Variants in CNTN5 observed in about 807,000 individuals in gnomAD.
The protein encoded by CNTN5 is contactin-5.
Under a neutral mutation model 129.1 loss-of-function variants are expected in CNTN5, and 77 were observed. The observed-to-expected ratio is 0.60, with a 90% CI of 0.50 to 0.72. The LOEUF is 0.72. Among genes scored for constraint, CNTN5 ranks in the 30% least tolerant of loss-of-function variants. The pLI is 0.00. For missense variants in CNTN5, 1,478 were observed against 1,328.8 expected, an observed-to-expected ratio of 1.11 and a Z score of -1.75; for synonymous variants, 509 against 465.6, an observed-to-expected ratio of 1.09 and a Z score of -1.20.
At chr11:99,880,850 C>T (rs1428888151) in intron 6 of CNTN5, among the ~76,000 whole-genome samples, 2 of 152,108 alleles carry the variant, frequency 1.3e-5, no homozygotes, top group African/African-American at 4.8e-5. Flanking sequence ...ACCTCTACCA[C>T]TTCAACCATC....
intron 1 of CNTN5, among the ~76,000 whole-genome samples, chr11:99,107,475 TAATA>T (rs1159218054): frequency 3.3e-5 from 5 of 152,186 alleles, no homozygotes; most frequent in African/African-American, 1.2e-4. Flanking sequence ...TTTATGTAGT[TAATA>T]AATAATTATG....
intron 3 of CNTN5, among the ~76,000 whole-genome samples, chr11:99,659,185 TAGGTG>T (rs1565399006): frequency 6.6e-6 from 1 of 152,096 alleles, no homozygotes. Context: ...CATATCCTGT[TAGGTG>T]AGGACCTCTG....
intron 4 of CNTN5, among the ~76,000 whole-genome samples, chr11:99,833,989 C>G (rs1327587393): frequency 6.6e-6 from 1 of 152,168 alleles, no homozygotes; most frequent in African/African-American, 2.4e-5. Context: ...GCACAGGACT[C>G]TTAAGTGTCC....
intron 9 of CNTN5, among the ~76,000 whole-genome samples, chr11:100,009,539 A>G (rs1940399301): frequency 6.6e-6 from 1 of 152,112 alleles, no homozygotes; most frequent in Admixed American, 6.6e-5. Flanking sequence ...ATTGCTCACA[A>G]GCTGTTCTCC....
At position 99,424,456 on chromosome 11, in the gene CNTN5, C is replaced by A. The variant is rs916167424; in HGVS notation, c.-71+98972C>A. Among the ~76,000 whole-genome samples the A allele has an allele frequency of 7.2e-5, 11 of 152,194 alleles. 1 individual carries two copies. The highest frequency in any genetic ancestry group is 2.9e-5 in the Non-Finnish European group (2 of 68,044). On this transcript the variant is annotated intron_variant, in intron 2 of 24. Coordinates refer to ENST00000524871, the MANE Select transcript of CNTN5 (RefSeq NM_014361.4). The stretch of plus-strand genomic sequence containing the variant: ...TGCGAAGGGTGAGCCAGGTGTGGAG[C>A]GGCAAGGGGTGTGTAAATGATCACT...
chr11:100,149,857 G>A (rs953079335), intron 13 of CNTN5, among the ~76,000 whole-genome samples: 4 of 141,542 alleles, frequency 2.8e-5, no homozygotes, highest in African/African-American at 1.1e-4. Context: ...TTGTGCCACT[G>A]CATTCCAGCC....
intron 9 of CNTN5, among the ~76,000 whole-genome samples, chr11:100,036,457 T>C (rs1470751079): frequency 1.3e-5 from 2 of 151,080 alleles, no homozygotes; most frequent in Admixed American, 6.6e-5. Context: ...GCGGGCTCTT[T>C]TTTGGTTCCA....
At chr11:99,665,647 C>T (rs573442948) in intron 3 of CNTN5, among the ~76,000 whole-genome samples, 30 of 151,626 alleles carry the variant, frequency 2.0e-4, no homozygotes, top group African/African-American at 6.3e-4. Context: ...GCAACTTGCC[C>T]GGCTAATTTT....
At chr11:99,490,032 C>T (rs1945975151) in intron 2 of CNTN5, among the ~76,000 whole-genome samples, 1 of 152,276 alleles carries the variant, frequency 6.6e-6, no homozygotes, top group Middle Eastern at 3.4e-3. Flanking sequence ...AGAATTCAGA[C>T]ACGTTATTTC....
chr11:99,554,365 A>C (rs1489595116), intron 2 of CNTN5, among the ~76,000 whole-genome samples: 1 of 152,086 alleles, frequency 6.6e-6, no homozygotes, highest in Non-Finnish European at 1.5e-5. Flanking sequence ...ATTTTACTGA[A>C]GATCCTTTGC....
chr11:99,332,980 A>G (rs1263165217), intron 2 of CNTN5, among the ~76,000 whole-genome samples: 1 of 152,064 alleles, frequency 6.6e-6, no homozygotes, highest in Non-Finnish European at 1.5e-5. Flanking sequence ...CATGCATCGT[A>G]ATTTAGAAGC....
At chr11:99,213,760 T>C (rs1393256805) in intron 1 of CNTN5, among the ~76,000 whole-genome samples, 1 of 152,130 alleles carries the variant, frequency 6.6e-6, no homozygotes, top group Non-Finnish European at 1.5e-5. Context: ...CTTTGGATTA[T>C]GCTATTGTCT....
At chr11:99,825,121 T>C (rs1195097155) in intron 4 of CNTN5, among the ~76,000 whole-genome samples, 1 of 151,986 alleles carries the variant, frequency 6.6e-6, no homozygotes, top group Non-Finnish European at 1.5e-5. Flanking sequence ...CTTGTAAAAA[T>C]AGTTTGTAAA....
intron 1 of CNTN5, among the ~76,000 whole-genome samples, chr11:99,036,857 T>C (rs967421063): frequency 3.3e-5 from 5 of 152,204 alleles, no homozygotes; most frequent in African/African-American, 1.2e-4. Context: ...ATTTGACCTA[T>C]GGTTCCTACC....
At chr11:99,322,860 A>T (rs1340827595) in intron 1 of CNTN5, among the ~76,000 whole-genome samples, 1 of 152,216 alleles carries the variant, frequency 6.6e-6, no homozygotes, top group Admixed American at 6.5e-5. Flanking sequence ...CTATTTTTCC[A>T]TCTGTAAAGT....
intron 3 of CNTN5, among the ~76,000 whole-genome samples, chr11:99,760,542 T>C (rs1944544511): frequency 6.6e-6 from 1 of 152,252 alleles, no homozygotes; most frequent in African/African-American, 2.4e-5. Flanking sequence ...TAAAATAAAA[T>C]AATGCTATGT....
intron 3 of CNTN5, among the ~76,000 whole-genome samples, chr11:99,714,533 T>C (rs1955137881): frequency 6.6e-6 from 1 of 151,970 alleles, no homozygotes; most frequent in South Asian, 2.1e-4. Flanking sequence ...TAATACTTAG[T>C]TGCTGCCTTC....
chr11:99,717,231 G>A (rs573067491), intron 3 of CNTN5, among the ~76,000 whole-genome samples: 1 of 151,986 alleles, frequency 6.6e-6, no homozygotes, highest in Non-Finnish European at 1.5e-5. Flanking sequence ...CTGTTGATTT[G>A]AACTTTCAAG....
chr11:99,753,801 C>T (rs759171454), intron 3 of CNTN5, among the ~76,000 whole-genome samples: 1 of 149,980 alleles, frequency 6.7e-6, no homozygotes, highest in Admixed American at 6.6e-5. Flanking sequence ...AATTCTCATG[C>T]CTCAGCCTCC....
Sources: gnomAD v4.1 joint callset for allele counts (sites outside exome capture counted in the v4.1 genomes callset) on GRCh38, gnomAD v4.1.1 for gene constraint, MANE v1.5 for transcripts, NCBI Gene and HGNC (gene_info 2026-07-23, HGNC 2026-07-21) for gene names.